The following ZPLD1 variants were observed in gnomAD, a reference collection of about 807,000 sequenced individuals.
ZPLD1 encodes the protein zona pellucida-like domain-containing protein 1.
In ZPLD1, 34 loss-of-function variants were observed where a neutral mutation model predicts 47.2. The observed-to-expected ratio is 0.72, with a 90% CI of 0.55 to 0.96. The LOEUF (loss-of-function observed/expected upper bound fraction) is 0.96, where lower values mean the gene tolerates loss of function less well. ZPLD1 is among the 40% of genes least tolerant of loss of function. The pLI, the probability that ZPLD1 is intolerant of heterozygous loss-of-function variation, is 0.00. For synonymous variants in ZPLD1, 176 were observed against 186.2 expected (o/e 0.95, Z 0.45); for missense variants, 512 against 505.8 (o/e 1.01, Z -0.12).
intron 1 of ZPLD1, 118 bp from the exon 2 acceptor site, chr3:102,436,742 C>A: frequency 3.2e-6 from 1 of 316,208 alleles, no homozygotes; most frequent in Non-Finnish European, 4.6e-6. Context: ...CTTCTTTGTG[C>A]AAAGTGTACA....
chr3:102,467,176 G>C (rs1707607833), intron 8 of ZPLD1, among the ~76,000 whole-genome samples: 2 of 152,020 alleles, frequency 1.3e-5, no homozygotes, highest in East Asian at 3.9e-4. Context: ...AATTTATAAC[G>C]ATATCAAAAA....
At chr3:102,410,188 G>A (rs1706734257) in intron 7 of ZPLD1, among the ~76,000 whole-genome samples, 1 of 151,634 alleles carries the variant, frequency 6.6e-6, no homozygotes, top group Non-Finnish European at 1.5e-5. Context: ...ACATGAATAT[G>A]TGGAACTATT....
intron 7 of ZPLD1, 80 bp downstream of exon 7, chr3:102,462,458 C>A: frequency 1.1e-6 from 1 of 904,060 alleles, no homozygotes; most frequent in South Asian, 1.7e-5. Flanking sequence ...TTGGGCCATT[C>A]ATTTTTAAAT....
At chr3:102,476,877 C>T (rs1387486989) in intron 10 of ZPLD1, 135 bp from the exon 11 acceptor site, 1 of 1,006,516 alleles carries the variant, frequency 9.9e-7, no homozygotes, top group African/African-American at 1.6e-5. Context: ...TTGCCTTACT[C>T]AAGGAGATTA....
intron 4 of ZPLD1, 133 bp downstream of exon 4, chr3:102,453,272 T>TCAAACAGGCAAA: frequency 1.3e-6 from 1 of 789,098 alleles, no homozygotes; most frequent in Non-Finnish European, 2.0e-6. Flanking sequence ...TTCCTTTGCC[T>TCAAACAGGCAAA]GTTTGAGGCA....
intron 8 of ZPLD1, among the ~76,000 whole-genome samples, chr3:102,424,013 T>C (rs188003235): frequency 4.1e-4 from 63 of 152,270 alleles, no homozygotes; most frequent in Non-Finnish European, 7.2e-4. Flanking sequence ...TGCTAATTCA[T>C]CCTTGTAAAA....
intron 3 of ZPLD1, among the ~76,000 whole-genome samples, chr3:102,444,813 C>T (rs1707232395): frequency 6.6e-6 from 1 of 152,096 alleles, no homozygotes. Context: ...AGTTTTAAAC[C>T]AATACTACTT....
chr3:102,428,334 C>G (rs1215120220), intron 8 of ZPLD1, among the ~76,000 whole-genome samples: 4 of 152,056 alleles, frequency 2.6e-5, no homozygotes, highest in Non-Finnish European at 5.9e-5. Flanking sequence ...AACCACTTTT[C>G]TTTGTGTTCA....
chr3:102,440,536 G>T (rs1707160635), intron 3 of ZPLD1, among the ~76,000 whole-genome samples: 1 of 152,086 alleles, frequency 6.6e-6, no homozygotes, highest in Admixed American at 6.6e-5. Flanking sequence ...TGGGCTTGAG[G>T]CATTTTTAGA....
chr3:102,386,287 C>CTTT (rs1224691188), intron 6 of ZPLD1, among the ~76,000 whole-genome samples: 1 of 125,976 alleles, frequency 7.9e-6, no homozygotes, highest in African/African-American at 2.9e-5. Context: ...TAAGTGGGGT[C>CTTT]TTTTTTTTTT....
chr3:102,456,174 G>T lies in ZPLD1; in HGVS notation c.328-19G>T, dbSNP rs1286081197. The stretch of plus-strand genomic sequence containing the variant: ...TATATAGCCATTTAATCATTAAACT[G>T]CATCTAACATTCTAACAGGTATCCA... On this transcript the variant is annotated intron_variant, in intron 4 of 11. Transcript: ENST00000466937. 1 of 1,602,314 alleles carries T rather than the reference G, an allele frequency of 6.2e-7. No homozygotes were observed. Among genetic ancestry groups the T allele is most frequent in the African/African-American group, 1.3e-5 (1 of 74,472 alleles).
intron 8 of ZPLD1, among the ~76,000 whole-genome samples, chr3:102,421,855 G>A (rs1706883190): frequency 6.6e-6 from 1 of 151,744 alleles, no homozygotes; most frequent in Non-Finnish European, 1.5e-5. Flanking sequence ...AATTTTTATT[G>A]TGAGTTTTAT....
chr3:102,401,161 CATATGAA>C (rs1706615697), intron 7 of ZPLD1, among the ~76,000 whole-genome samples: 1 of 152,006 alleles, frequency 6.6e-6, no homozygotes, highest in South Asian at 2.1e-4. Context: ...TATCGTTAGT[CATATGAA>C]TGACATGTCA....
chr3:102,446,484 A>G (rs2107328521), intron 3 of ZPLD1, among the ~76,000 whole-genome samples: 1 of 152,316 alleles, frequency 6.6e-6, no homozygotes, highest in East Asian at 1.9e-4. Flanking sequence ...CCCAAATATT[A>G]GACTCATATT....
intron 7 of ZPLD1, among the ~76,000 whole-genome samples, chr3:102,396,858 G>T (rs1706563442): frequency 6.6e-6 from 1 of 152,050 alleles, no homozygotes; most frequent in Non-Finnish European, 1.5e-5. Context: ...AAACAGAGTG[G>T]TTAAAAATAT....
At chr3:102,446,433 A>G (rs1707256273) in intron 3 of ZPLD1, among the ~76,000 whole-genome samples, 1 of 152,234 alleles carries the variant, frequency 6.6e-6, no homozygotes, top group Non-Finnish European at 1.5e-5. Flanking sequence ...GATATACTGA[A>G]TATTTGGTGA....
chr3:102,442,190 C>G (rs1163241976), intron 3 of ZPLD1, among the ~76,000 whole-genome samples: 1 of 152,052 alleles, frequency 6.6e-6, no homozygotes, highest in Non-Finnish European at 1.5e-5. Flanking sequence ...GTCTCCTCCT[C>G]TATTTTCAAT....
At chr3:102,425,723 C>A in intron 8 of ZPLD1, among the ~76,000 whole-genome samples, 1 of 151,994 alleles carries the variant, frequency 6.6e-6, no homozygotes, top group East Asian at 1.9e-4. Flanking sequence ...AGATTATGTT[C>A]ATCTCATCCG....
intron 3 of ZPLD1, among the ~76,000 whole-genome samples, chr3:102,441,194 T>C (rs187517893): frequency 2.3e-3 from 348 of 152,244 alleles, no homozygotes; most frequent in Non-Finnish European, 4.2e-3. Context: ...GGTGTGGTAG[T>C]TATATACTTG....
Sources: allele counts gnomAD v4.1 joint callset (sites outside exome capture counted in the v4.1 genomes callset), GRCh38; gene constraint gnomAD v4.1.1; transcripts MANE v1.5; gene names NCBI Gene and HGNC (gene_info 2026-07-23, HGNC 2026-07-21).